DNER: variants seen among roughly 807,000 people sequenced by gnomAD.
The protein encoded by DNER is delta and Notch-like epidermal growth factor-related receptor.
Under a neutral mutation model 78.2 loss-of-function variants are expected in DNER, and 33 were observed. The observed-to-expected ratio is 0.42, with a 90% confidence interval of 0.32 to 0.56. The LOEUF (loss-of-function observed/expected upper bound fraction) is 0.56. Among genes scored for constraint, DNER ranks in the 20% least tolerant of loss-of-function variants. The probability of loss-of-function intolerance (pLI) is 0.11; values close to 1 mark genes in which losing one functional copy is unlikely to be tolerated. For synonymous variants in DNER, 417 were observed against 384.8 expected (o/e 1.08, Z -0.98); for missense variants, 918 against 975.3 (o/e 0.94, Z 0.78).
At chr2:229,682,714 G>T (rs1162325911) in intron 1 of DNER, among the ~76,000 whole-genome samples, 2 of 152,162 alleles carry the variant, frequency 1.3e-5, no homozygotes, top group East Asian at 1.9e-4. Context: ...CGGGCGTGGT[G>T]GTGGGGGCCT....
At chr2:229,501,675 T>A (rs1177418619) in intron 6 of DNER, among the ~76,000 whole-genome samples, 1 of 152,192 alleles carries the variant, frequency 6.6e-6, no homozygotes, top group African/African-American at 2.4e-5. Flanking sequence ...TCAAACAAAA[T>A]AATTTTGCAT....
chr2:229,478,494 C>T (rs576022852), intron 6 of DNER, among the ~76,000 whole-genome samples: 5 of 152,204 alleles, frequency 3.3e-5, no homozygotes, highest in South Asian at 2.1e-4. Flanking sequence ...AGCTAATTCA[C>T]GGTATGAGAA....
intron 3 of DNER, among the ~76,000 whole-genome samples, chr2:229,587,913 A>G (rs1200950632): frequency 3.9e-5 from 6 of 152,192 alleles, no homozygotes; most frequent in Admixed American, 3.9e-4. Context: ...TTTAAACAAA[A>G]CACTCTCTTT....
chr2:229,420,387 C>G (rs573178395), intron 8 of DNER, among the ~76,000 whole-genome samples: 1 of 152,308 alleles, frequency 6.6e-6, no homozygotes, highest in East Asian at 1.9e-4. Context: ...CCTTTTCATG[C>G]TGTTGATTGT....
At chr2:229,359,629 T>C (rs1025359994) in intron 12 of DNER, among the ~76,000 whole-genome samples, 3 of 152,114 alleles carry the variant, frequency 2.0e-5, no homozygotes, top group African/African-American at 7.2e-5. Flanking sequence ...TAGGATGGGG[T>C]CCCTAGGAAT....
chr2:229,413,489 A>AT (rs1328898147), intron 9 of DNER, among the ~76,000 whole-genome samples: 1 of 150,798 alleles, frequency 6.6e-6, no homozygotes, highest in Non-Finnish European at 1.5e-5. Context: ...CGCCTGGCTA[A>AT]TTTTTGTATT....
chr2:229,492,558 TG>T (rs1248525632), intron 6 of DNER, among the ~76,000 whole-genome samples: 1 of 152,372 alleles, frequency 6.6e-6, no homozygotes, highest in Admixed American at 6.5e-5. Context: ...CCATGAGCTT[TG>T]TGACCTTGAT....
chr2:229,475,447 G>C (rs1420364162), intron 7 of DNER, among the ~76,000 whole-genome samples: 1 of 148,860 alleles, frequency 6.7e-6, no homozygotes, highest in Non-Finnish European at 1.5e-5. Flanking sequence ...GTACATGGGA[G>C]TCTCTCCCAG....
At chr2:229,668,469 C>CAT (rs1303747509) in intron 1 of DNER, among the ~76,000 whole-genome samples, 1 of 124,568 alleles carries the variant, frequency 8.0e-6, no homozygotes, top group African/African-American at 3.2e-5. Context: ...TAAAAGAAGA[C>CAT]ATATATATAG....
chr2:229,690,129 T>C (rs1699544128), intron 1 of DNER, among the ~76,000 whole-genome samples: 3 of 152,170 alleles, frequency 2.0e-5, no homozygotes, highest in African/African-American at 7.2e-5. Context: ...TTAGAACCAC[T>C]TGGGGGTTTC....
chr2:229,503,676 C>T lies in DNER; in HGVS notation c.1147+9107G>A, dbSNP rs560800636. On this transcript the variant is annotated intron_variant, in intron 6 of 12. Coordinates refer to ENST00000341772, the MANE Select transcript of DNER (RefSeq NM_139072.4). The stretch of plus-strand genomic sequence containing the variant: ...GCAGTATGACGGACTGGACTGATAA[C>T]TAATGACTGAATAGGATTCTAGTAA... Among the ~76,000 whole-genome samples the T allele has an allele frequency of 1.0e-3, 155 of 152,290 alleles. 2 individuals are homozygous for T. The highest frequency in any genetic ancestry group is 3.6e-3 in the African/African-American group (148 of 41,570).
intron 9 of DNER, among the ~76,000 whole-genome samples, chr2:229,413,327 T>C (rs1206550551): frequency 7.5e-6 from 1 of 134,012 alleles, no homozygotes; most frequent in East Asian, 2.0e-4. Flanking sequence ...TCTTCTTTTT[T>C]TTTTTTTTTT....
chr2:229,579,806 C>G (rs917984782), intron 4 of DNER, among the ~76,000 whole-genome samples: 4 of 149,200 alleles, frequency 2.7e-5, no homozygotes, highest in Admixed American at 6.7e-5. Flanking sequence ...ATAGTATAAA[C>G]TGTTAGGCTA....
chr2:229,438,954 G>A (rs1421487540), intron 8 of DNER, among the ~76,000 whole-genome samples: 1 of 152,206 alleles, frequency 6.6e-6, no homozygotes, highest in Non-Finnish European at 1.5e-5. Flanking sequence ...TGAGCTAACA[G>A]AGGCTCCAGC....
intron 5 of DNER, among the ~76,000 whole-genome samples, chr2:229,518,263 T>C (rs907065056): frequency 5.3e-5 from 8 of 152,230 alleles, no homozygotes; most frequent in African/African-American, 1.9e-4. Flanking sequence ...TTGTCCAACA[T>C]GTATTCAATA....
intron 1 of DNER, among the ~76,000 whole-genome samples, chr2:229,667,423 G>A (rs1699111171): frequency 6.6e-6 from 1 of 152,202 alleles, no homozygotes. Context: ...ACAAACAAAT[G>A]CCTTTGGGAA....
intron 12 of DNER, among the ~76,000 whole-genome samples, chr2:229,361,808 G>A (rs1399868866): frequency 6.7e-6 from 1 of 149,318 alleles, no homozygotes; most frequent in East Asian, 2.0e-4. Flanking sequence ...TTTTTCAATC[G>A]ATAGTCTGTG....
At chr2:229,634,604 G>A (rs1185019054) in intron 1 of DNER, among the ~76,000 whole-genome samples, 2 of 152,116 alleles carry the variant, frequency 1.3e-5, no homozygotes, top group Non-Finnish European at 2.9e-5. Context: ...AACTTATAAT[G>A]TAAGGCTCAA....
At position 229,666,814 on chromosome 2, in the gene DNER, T is replaced by C. The variant is rs146237260; in HGVS notation, c.276+47334A>G. On this transcript the variant is annotated intron_variant, in intron 1 of 12. Coordinates refer to ENST00000341772, the MANE Select transcript of DNER (RefSeq NM_139072.4). The stretch of plus-strand genomic sequence containing the variant: ...AAGACAGAGTTCAGCTGTATAGCAT[T>C]ATGGTTCTGTGACTGGGCTCAGGGA... Among the ~76,000 whole-genome samples the C allele has an allele frequency of 4.7e-4, 72 of 152,316 alleles. No homozygotes were observed. In the East Asian group the frequency reaches 0.012, roughly 25 times the overall value.
Sources: allele counts gnomAD v4.1 joint callset (sites outside exome capture counted in the v4.1 genomes callset), GRCh38; gene constraint gnomAD v4.1.1; transcripts MANE v1.5; gene names NCBI Gene and HGNC (gene_info 2026-07-23, HGNC 2026-07-21).